EDA: variants seen among roughly 807,000 people sequenced by gnomAD.
The protein encoded by EDA is ectodysplasin A, also known as ectodysplasin-A.
A neutral mutation model predicts 23.6 loss-of-function variants in EDA; 2 were observed. That is an observed-to-expected ratio of 0.08 (90% CI 0.03 to 0.27). EDA has a LOEUF of 0.27. EDA is among the 10% of genes least tolerant of loss of function. The probability of loss-of-function intolerance (pLI) is 1.00; values close to 1 mark genes in which losing one functional copy is unlikely to be tolerated. For missense variants in EDA, 229 were observed against 324.2 expected, an observed-to-expected ratio of 0.71 and a Z score of 2.26; for synonymous variants, 131 against 132.0, an observed-to-expected ratio of 0.99 and a Z score of 0.05.
chrX:69,934,393 G>A (rs1203648860), intron 1 of EDA, among the ~76,000 whole-genome samples: 1 of 110,789 alleles, frequency 9.0e-6, no homozygotes, highest in Non-Finnish European at 1.9e-5. Context: ...TTCACCCTCT[G>A]CCTTACTTGA....
chrX:69,910,307 T>A, intron 1 of EDA, among the ~76,000 whole-genome samples: 1 of 107,673 alleles, frequency 9.3e-6, no homozygotes, highest in Non-Finnish European at 1.9e-5. Flanking sequence ...TAATAGGTTT[T>A]AACTTTGGTT....
intron 2 of EDA, among the ~76,000 whole-genome samples, chrX:70,011,831 G>A (rs1175504849): frequency 9.0e-6 from 1 of 111,543 alleles, no homozygotes; most frequent in Non-Finnish European, 1.9e-5. Context: ...TTGCTATTTT[G>A]TATGATTGAT....
intron 1 of EDA, among the ~76,000 whole-genome samples, chrX:69,923,687 A>G (rs945030225): frequency 1.8e-5 from 2 of 111,877 alleles, no homozygotes; most frequent in Non-Finnish European, 3.8e-5. Flanking sequence ...GTATATATCC[A>G]GTAATGAGAT....
intron 1 of EDA, among the ~76,000 whole-genome samples, chrX:69,752,187 C>A (rs1031676237): frequency 9.0e-6 from 1 of 111,185 alleles, no homozygotes; most frequent in Non-Finnish European, 1.9e-5. Flanking sequence ...AGTTTTTGCC[C>A]ATTCAGTTTG....
At chrX:69,685,643 A>G (rs1284420763) in intron 1 of EDA, among the ~76,000 whole-genome samples, 1 of 112,162 alleles carries the variant, frequency 8.9e-6, no homozygotes, top group Non-Finnish European at 1.9e-5. Flanking sequence ...CTTTTAAAGA[A>G]CAAGATAAAT....
intron 1 of EDA, among the ~76,000 whole-genome samples, chrX:69,784,755 G>C (rs1176823762): frequency 9.6e-6 from 1 of 104,620 alleles, no homozygotes. Context: ...TTTTGGCTTA[G>C]GATTGACTTG....
intron 1 of EDA, among the ~76,000 whole-genome samples, chrX:69,751,687 C>T (rs2013876148): frequency 9.0e-6 from 1 of 111,670 alleles, no homozygotes; most frequent in Admixed American, 9.4e-5. Flanking sequence ...TTGTTTGTAT[C>T]CTCTTTTATT....
chrX:69,888,692 AAG>A (rs1379900568), intron 1 of EDA, among the ~76,000 whole-genome samples: 1 of 107,594 alleles, frequency 9.3e-6, no homozygotes, highest in Non-Finnish European at 1.9e-5. Context: ...AAGCTGTAAA[AAG>A]AGACAAAGCA....
At position 70,035,405 on chromosome X, in the gene EDA, G is replaced by A; in HGVS notation, c.972G>A (p.Val324=). 1 of 1,209,732 alleles carries A rather than the reference G, an allele frequency of 8.3e-7. No homozygotes were observed. The highest frequency in any genetic ancestry group is 1.1e-6 in the Non-Finnish European group (1 of 894,583). The change falls in exon 8 of 8, where the codon GTG becomes GTA. Residue 324 remains valine, a synonymous_variant. Transcript: ENST00000374552. ...FTDFASYEVV[V]DEKPFLQCTR... ...ACTTTGCCAGCTATGAGGTGGTGGT[G>A]GATGAGAAGCCCTTCCTGCAGTGCA...
At chrX:69,881,989 C>T (rs949863914) in intron 1 of EDA, among the ~76,000 whole-genome samples, 1 of 111,728 alleles carries the variant, frequency 9.0e-6, no homozygotes, top group South Asian at 3.8e-4. Flanking sequence ...GAACACCTCC[C>T]ACTAGGCCCT....
chrX:69,835,208 G>T (rs925421048), intron 1 of EDA, among the ~76,000 whole-genome samples: 1 of 109,861 alleles, frequency 9.1e-6, no homozygotes, highest in Non-Finnish European at 1.9e-5. Context: ...TGCTCTTCTC[G>T]AGGAGTATCT....
intron 1 of EDA, among the ~76,000 whole-genome samples, chrX:69,848,485 C>T (rs1224860548): frequency 9.0e-6 from 1 of 111,146 alleles, no homozygotes; most frequent in Admixed American, 9.6e-5. Context: ...TTTTTCATCC[C>T]ACTACCATTT....
chrX:69,638,272 A>G (rs1040066370), intron 1 of EDA, among the ~76,000 whole-genome samples: 1 of 111,939 alleles, frequency 8.9e-6, no homozygotes, highest in Non-Finnish European at 1.9e-5. Context: ...ACGTTGTACT[A>G]GAGGCAGCCA....
At chrX:70,000,338 A>T (rs1381858797) in intron 2 of EDA, among the ~76,000 whole-genome samples, 1 of 112,692 alleles carries the variant, frequency 8.9e-6, no homozygotes, top group Non-Finnish European at 1.9e-5. Context: ...AGAATGGATT[A>T]AAAAGATATT....
At chrX:69,869,012 T>G (rs1443881546) in intron 1 of EDA, among the ~76,000 whole-genome samples, 1 of 111,896 alleles carries the variant, frequency 8.9e-6, no homozygotes, top group Non-Finnish European at 1.9e-5. Flanking sequence ...TTCAAGACCT[T>G]GATGGTGGCA....
intron 1 of EDA, among the ~76,000 whole-genome samples, chrX:69,833,600 G>A (rs1369020069): frequency 1.8e-5 from 2 of 110,665 alleles, no homozygotes; most frequent in Non-Finnish European, 3.8e-5. Flanking sequence ...ACTGATTGGA[G>A]TCATTTCAGA....
At chrX:69,858,423 T>G (rs1371704169) in intron 1 of EDA, among the ~76,000 whole-genome samples, 1 of 111,982 alleles carries the variant, frequency 8.9e-6, no homozygotes, top group Non-Finnish European at 1.9e-5. Flanking sequence ...TTATTGAGTT[T>G]TTTTAAAAAC....
chrX:69,826,707 T>C (rs1446582758), intron 1 of EDA, among the ~76,000 whole-genome samples: 62 of 109,768 alleles, frequency 5.6e-4, no homozygotes, highest in Non-Finnish European at 8.2e-4. Flanking sequence ...ACATTTAAAG[T>C]TAATATTGTT....
chrX:70,023,240 G>A lies in EDA; in HGVS notation c.525G>A (p.Lys175=). 1 of 1,117,989 alleles carries A rather than the reference G, an allele frequency of 8.9e-7. No homozygotes were observed. Among genetic ancestry groups the A allele is most frequent in the Non-Finnish European group, 1.2e-6 (1 of 814,836 alleles). The allele number at this position is 1,117,989 out of a possible 1,213,427, so 92.1% of individuals were successfully genotyped here. A position where few individuals can be genotyped will look rare whatever the true frequency, so the allele number is the denominator to read the frequency against. The change falls in exon 3 of 8, where the codon AAG becomes AAA. Residue 175 remains lysine (K), a splice_region_variant and synonymous_variant. Coordinates refer to ENST00000374552, the MANE Select transcript of EDA (RefSeq NM_001399.5). ...TAGGCCCAGTTAAAAACAAGAAAAAGGGTAAGTTCCTGACTTTATAAAATT... is the reference window on the plus strand; with the variant it reads ...TAGGCCCAGTTAAAAACAAGAAAAAAGGTAAGTTCCTGACTTTATAAAATT... ...GADGPVKNKK[K]GKKAGPPGPN...
Sources: gnomAD v4.1 joint callset for allele counts (sites outside exome capture counted in the v4.1 genomes callset) on GRCh38, gnomAD v4.1.1 for gene constraint, MANE v1.5 for transcripts, NCBI Gene and HGNC (gene_info 2026-07-23, HGNC 2026-07-21) for gene names.